The following ULK4 variants were observed in gnomAD, a reference collection of about 807,000 sequenced individuals.
The protein encoded by ULK4 is unc-51 like kinase 4.
ULK4 carries 133 observed loss-of-function variants against 160.6 expected under a neutral mutation model. The ratio of observed to expected loss-of-function variants is 0.83; its 90% CI spans 0.72 to 0.96. The LOEUF (loss-of-function observed/expected upper bound fraction) is 0.96. ULK4 is among the 40% of genes least tolerant of loss of function. The probability of loss-of-function intolerance (pLI) is 0.00; values close to 1 mark genes in which losing one functional copy is unlikely to be tolerated. For synonymous variants in ULK4, 534 were observed against 539.8 expected (o/e 0.99, Z 0.15); for missense variants, 1,580 against 1,499.5 (o/e 1.05, Z -0.89).
At position 41,911,596 on chromosome 3, in the gene ULK4, A is replaced by C. The variant is rs571946424; in HGVS notation, c.960T>G (p.Ser320Arg). 4 of 1,613,936 alleles carry C rather than the reference A, an allele frequency of 2.5e-6. No individual in the cohort carries two copies. Among genetic ancestry groups the C allele is most frequent in the Non-Finnish European group, 3.4e-6 (4 of 1,180,012 alleles). ...CACTCTTGTGCCCTTTTGCTTGTCT[A>C]CTCTGAGAGTTCTGCAAAAGCTCCT... is the stretch of plus-strand genomic sequence containing the variant. ...DSKELLQNSQ[S>R]RQAKGHKSGQ... Residue 320 changes from serine to arginine, a missense_variant, in exon 10 of 37, where the codon AGT becomes AGG. Transcript: ENST00000301831.
chr3:41,671,950 C>T (rs1244570930), intron 29 of ULK4, among the ~76,000 whole-genome samples: 4 of 151,992 alleles, frequency 2.6e-5, no homozygotes, highest in Admixed American at 6.6e-5. Context: ...AGAAGACATA[C>T]AAATGGCCAA....
chr3:41,592,034 T>A (rs539500936), intron 31 of ULK4, among the ~76,000 whole-genome samples: 2 of 152,180 alleles, frequency 1.3e-5, no homozygotes. Flanking sequence ...CCAGAACTAC[T>A]GCAGGAATAT....
At chr3:41,661,629 C>T (rs979799019) in intron 30 of ULK4, among the ~76,000 whole-genome samples, 2 of 152,044 alleles carry the variant, frequency 1.3e-5, no homozygotes, top group African/African-American at 4.8e-5. Flanking sequence ...ACAATTACTA[C>T]CCCTAGGGGA....
Position 41,406,610 on chromosome 3 carries a change from G to C in ULK4, c.3493-8346C>G, listed in dbSNP as rs370949414. ...ATTTACATTTAAGGTAAATATTGGGGGACTAGGGCTTAAGTCTAATGTGCA... is the reference window on the plus strand; with the variant it reads ...ATTTACATTTAAGGTAAATATTGGGCGACTAGGGCTTAAGTCTAATGTGCA... On this transcript the variant is annotated intron_variant, in intron 34 of 36. Coordinates refer to ENST00000301831, the MANE Select transcript of ULK4 (RefSeq NM_017886.4). Among the ~76,000 whole-genome samples the C allele has an allele frequency of 3.3e-5, 5 of 152,178 alleles. No individual in the cohort carries two copies. The East Asian group carries it at 5.8e-4, about 18-fold the overall frequency.
intron 18 of ULK4, among the ~76,000 whole-genome samples, chr3:41,823,979 G>C (rs1337631209): frequency 6.6e-6 from 1 of 152,014 alleles, no homozygotes; most frequent in African/African-American, 2.4e-5. Flanking sequence ...TCTGGCCAAT[G>C]TGGCGAAACA....
At chr3:41,714,755 G>A (rs2037206483) in intron 25 of ULK4, among the ~76,000 whole-genome samples, 1 of 151,552 alleles carries the variant, frequency 6.6e-6, no homozygotes, top group Non-Finnish European at 1.5e-5. Flanking sequence ...TGGGGGCTGG[G>A]TCAGGAGAAT....
intron 2 of ULK4, among the ~76,000 whole-genome samples, chr3:41,953,306 T>TATATATATA (rs1447473585): frequency 6.5e-5 from 6 of 91,834 alleles, no homozygotes; most frequent in Non-Finnish European, 8.4e-5. Flanking sequence ...ATATATATAT[T>TATATATATA]TTTTTTTTTT....
chr3:41,306,939 T>G (rs963793837), intron 35 of ULK4, among the ~76,000 whole-genome samples: 8 of 151,286 alleles, frequency 5.3e-5, no homozygotes, highest in Non-Finnish European at 1.2e-4. Flanking sequence ...AAACAGATGC[T>G]TGAAGGCAGC....
intron 29 of ULK4, among the ~76,000 whole-genome samples, 154 bp downstream of exon 29, chr3:41,681,354 G>A (rs151265634): frequency 7.9e-4 from 120 of 152,182 alleles, no homozygotes; most frequent in Admixed American, 2.4e-3. Flanking sequence ...AACAGTTACC[G>A]CACCTGTCTA....
At chr3:41,620,291 G>C (rs971816151) in intron 30 of ULK4, among the ~76,000 whole-genome samples, 3 of 151,990 alleles carry the variant, frequency 2.0e-5, no homozygotes, top group African/African-American at 7.3e-5. Context: ...ACCAAAACCT[G>C]GCAGAGACAC....
intron 25 of ULK4, among the ~76,000 whole-genome samples, chr3:41,707,792 C>T (rs1425656915): frequency 6.6e-6 from 1 of 151,574 alleles, no homozygotes; most frequent in East Asian, 1.9e-4. Context: ...GGTATCCCTG[C>T]ACTCCAGCCT....
intron 35 of ULK4, among the ~76,000 whole-genome samples, chr3:41,285,234 CTGAG>C (rs2079434831): frequency 6.6e-6 from 1 of 152,206 alleles, no homozygotes; most frequent in Non-Finnish European, 1.5e-5. Context: ...AATCCCACTA[CTGAG>C]TATCTACCTA....
chr3:41,893,807 AT>A (rs1314745879), intron 16 of ULK4, among the ~76,000 whole-genome samples: 1 of 152,158 alleles, frequency 6.6e-6, no homozygotes, highest in African/African-American at 2.4e-5. Flanking sequence ...TGTGATTCTA[AT>A]TTTTTATATA....
chr3:41,577,185 G>A (rs1038027735), intron 31 of ULK4, among the ~76,000 whole-genome samples: 5 of 152,168 alleles, frequency 3.3e-5, no homozygotes, highest in African/African-American at 4.8e-5. Context: ...AAAGCACAAT[G>A]TGGTAGAGCA....
intron 22 of ULK4, among the ~76,000 whole-genome samples, chr3:41,726,255 G>A (rs1337933520): frequency 1.3e-5 from 2 of 152,158 alleles, no homozygotes; most frequent in East Asian, 3.8e-4. Context: ...TCTGCTGGGA[G>A]AAATAAAAAA....
chr3:41,784,251 A>G (rs1575703719), intron 21 of ULK4, among the ~76,000 whole-genome samples: 1 of 152,068 alleles, frequency 6.6e-6, no homozygotes, highest in East Asian at 1.9e-4. Context: ...GCTGACCAAC[A>G]TGGAGAAACC....
Position 41,398,140 on chromosome 3 carries a change from A to T in ULK4, c.3617T>A (p.Leu1206Ter). The T allele has an allele frequency of 1.2e-6, 2 of 1,613,562 alleles. No individual in the cohort carries two copies. Among genetic ancestry groups the T allele is most frequent in the Non-Finnish European group, 1.7e-6 (2 of 1,179,664 alleles). ...CTTTGGGTCCTCCTTGGATGTCAGT[A>T]AATGAGCAAAAATTTCCACATTTTC... ...SPENVEIFAH[L>*]LTSKEDPKEQ... Residue 1206 changes from leucine to a stop codon, truncating the protein, a stop_gained, in exon 35 of 37, where the codon TTA (leucine) becomes TAA (stop). Coordinates refer to ENST00000301831, the MANE Select transcript of ULK4 (RefSeq NM_017886.4). LOFTEE classifies it high-confidence loss of function.
intron 32 of ULK4, among the ~76,000 whole-genome samples, chr3:41,540,460 T>A (rs11129914): frequency 0.51 from 77,730 of 152,068 alleles, 19,986 homozygotes; most frequent in Middle Eastern, 0.57. Context: ...GGGTTGATTC[T>A]AAGTCTTTGC....
intron 19 of ULK4, 34 bp from the exon 20 acceptor site, chr3:41,800,327 T>A (rs777923519): frequency 1.3e-6 from 2 of 1,558,454 alleles, no homozygotes; most frequent in Non-Finnish European, 1.7e-6. Flanking sequence ...AATATTAGTG[T>A]GAGAAATAAA....
Sources: gnomAD v4.1 joint callset for allele counts (sites outside exome capture counted in the v4.1 genomes callset) on GRCh38, gnomAD v4.1.1 for gene constraint, MANE v1.5 for transcripts, NCBI Gene and HGNC (gene_info 2026-07-23, HGNC 2026-07-21) for gene names.